UBFD1: variants seen among roughly 807,000 people sequenced by gnomAD.
The protein encoded by UBFD1 is ubiquitin domain-containing protein UBFD1.
In UBFD1, 12 loss-of-function variants were observed where a neutral mutation model predicts 35.1. That is an observed-to-expected ratio of 0.34 (90% CI 0.22 to 0.55). The LOEUF is 0.55. UBFD1 is among the 20% of genes least tolerant of loss of function. UBFD1 has a pLI of 0.89. For missense variants in UBFD1, 337 were observed against 410.8 expected, an observed-to-expected ratio of 0.82 and a Z score of 1.55; for synonymous variants, 178 against 167.6, an observed-to-expected ratio of 1.06 and a Z score of -0.48.
chr16:23,572,924 G>A lies in UBFD1; in HGVS notation c.*2334G>A, dbSNP rs977968650. 1.3e-5 allele frequency: 2 copies of A among 152,146 alleles called. No individual in the cohort carries two copies. Among genetic ancestry groups the A allele is most frequent in the South Asian group, 2.1e-4 (1 of 4,826 alleles). 9.4% of individuals were successfully genotyped at this position (152,146 alleles called of 1,614,324 possible). On this transcript the variant is annotated 3_prime_UTR_variant, in exon 7 of 7. Transcript: ENST00000395878. ...GTCTGCATGGAAGACCTTGCTGGACGCTCTCGGGAGAGCAGACATAGCACC... is the reference window on the plus strand; with the variant it reads ...GTCTGCATGGAAGACCTTGCTGGACACTCTCGGGAGAGCAGACATAGCACC...
chr16:23,569,874 G>A (rs1489593162), intron 6 of UBFD1, among the ~76,000 whole-genome samples: 1 of 152,124 alleles, frequency 6.6e-6, no homozygotes, highest in Non-Finnish European at 1.5e-5. Flanking sequence ...CTTTTCTTTG[G>A]TTCAACATAA....
intron 3 of UBFD1, 82 bp from the exon 4 acceptor site, chr16:23,562,124 T>C (rs2142213861): frequency 7.5e-7 from 1 of 1,331,142 alleles, no homozygotes; most frequent in South Asian, 1.3e-5. Context: ...ACTAAGGCTT[T>C]CTTCATCCTC....
intron 3 of UBFD1, 78 bp from the exon 4 acceptor site, chr16:23,562,128 C>G (rs1416752742): frequency 2.2e-6 from 3 of 1,356,150 alleles, no homozygotes; most frequent in Non-Finnish European, 3.1e-6. Context: ...AGGCTTTCTT[C>G]ATCCTCTCTT....
rs2234429 is a variant in UBFD1 at position 23,562,741 on chromosome 16, C to T, written c.736+11C>T. 9.4e-4 allele frequency: 1,509 copies of T among 1,612,142 alleles called. 15 individuals carry two copies. In the African/African-American group the frequency reaches 0.018, roughly 19 times the overall value. On this transcript the variant is annotated intron_variant, in intron 5 of 6. Coordinates refer to ENST00000395878, the MANE Select transcript of UBFD1 (RefSeq NM_019116.3). ...GGATTGGCACTAAAGGTATGTTCTT[C>T]CTCGCCTCCTTGCTGGCCCACTGCC...
rs1006763638 is a variant in UBFD1 at position 23,558,339 on chromosome 16, C to T, written c.355+60C>T. 6 of 1,566,500 alleles carry T rather than the reference C, an allele frequency of 3.8e-6. No homozygotes were observed. In the African/African-American group the frequency reaches 7.0e-5, roughly 18 times the overall value. Reference sequence around the variant, plus strand: ...ACCCCGCCTCCTGATGGCCCTTGCACCCTACTAGGCACCTGGTGGCTTTCC... The same window carrying T: ...ACCCCGCCTCCTGATGGCCCTTGCATCCTACTAGGCACCTGGTGGCTTTCC... On this transcript the variant is annotated intron_variant, in intron 2 of 6. Transcript: ENST00000395878.
At chr16:23,568,604 A>T (rs1490840160) in intron 6 of UBFD1, 1 of 151,306 alleles carries the variant, frequency 6.6e-6, no homozygotes, top group Non-Finnish European at 1.5e-5. Flanking sequence ...GCGGATCATG[A>T]GGTCAGGAGT....
chr16:23,568,216 G>A (rs1966037259), intron 6 of UBFD1, among the ~76,000 whole-genome samples: 1 of 143,342 alleles, frequency 7.0e-6, no homozygotes, highest in Non-Finnish European at 1.5e-5. Flanking sequence ...CTGAAGTGCA[G>A]TGGCGCTATC....
chr16:23,562,143 G>A, intron 3 of UBFD1, 63 bp from the exon 4 acceptor site: 1 of 1,471,100 alleles, frequency 6.8e-7, no homozygotes, highest in Non-Finnish European at 9.4e-7. Flanking sequence ...TCTCTTTCAA[G>A]GGAATAGTAA....
chr16:23,566,101 T>C (rs1966007077), intron 5 of UBFD1: 1 of 152,210 alleles, frequency 6.6e-6, no homozygotes, highest in South Asian at 2.1e-4. Flanking sequence ...CACAAAAGGT[T>C]ATAAATGTTT....
rs563744743 is a variant in UBFD1, at chr16:23,557,878, C to G, written c.26-72C>G. On this transcript the variant is annotated intron_variant, in intron 1 of 6. Transcript: ENST00000395878. Reference sequence around the variant, plus strand: ...GAACCGCGGCTCGGGAACGGAGGTCCGGCGGCGCCCGGACAGCGTCCGTTC... The same window carrying G: ...GAACCGCGGCTCGGGAACGGAGGTCGGGCGGCGCCCGGACAGCGTCCGTTC... 31 of 1,268,084 alleles carry G rather than the reference C, an allele frequency of 2.4e-5. 1 individual carries two copies. In the Admixed American group the frequency reaches 3.8e-4, roughly 16 times the overall value. The allele number at this position is 1,268,084 out of a possible 1,614,324, so 78.6% of individuals were successfully genotyped here.
At position 23,557,878 on chromosome 16, in the gene UBFD1, C is replaced by T. The variant is rs563744743; in HGVS notation, c.26-72C>T. On this transcript the variant is annotated intron_variant, in intron 1 of 6. Coordinates refer to ENST00000395878, the MANE Select transcript of UBFD1 (RefSeq NM_019116.3). ...GAACCGCGGCTCGGGAACGGAGGTCCGGCGGCGCCCGGACAGCGTCCGTTC... is the reference window on the plus strand; with the variant it reads ...GAACCGCGGCTCGGGAACGGAGGTCTGGCGGCGCCCGGACAGCGTCCGTTC... 64 of 1,268,192 alleles carry T rather than the reference C, an allele frequency of 5.0e-5. No individual in the cohort carries two copies. The African/African-American group carries it at 8.7e-4, about 17-fold the overall frequency. The allele number at this position is 1,268,192 out of a possible 1,614,324, so 78.6% of individuals were successfully genotyped here.
At chr16:23,558,800 A>G (rs1213758703) in intron 2 of UBFD1, among the ~76,000 whole-genome samples, 1 of 122,826 alleles carries the variant, frequency 8.1e-6, no homozygotes. Context: ...TTTTTTTTTG[A>G]GACGGAGTCT....
At chr16:23,569,616 A>G (rs1377981129) in intron 6 of UBFD1, 2 of 152,174 alleles carry the variant, frequency 1.3e-5, no homozygotes, top group Non-Finnish European at 2.9e-5. Context: ...CCATATATCC[A>G]TCACTGAGAA....
intron 5 of UBFD1, 82 bp downstream of exon 5, chr16:23,562,812 C>T: frequency 8.2e-7 from 1 of 1,215,750 alleles, no homozygotes. Context: ...TGCGATTTCA[C>T]CCCTCCTTCT....
At chr16:23,562,840 T>C (rs570948315) in intron 5 of UBFD1, 110 bp downstream of exon 5, 195 of 921,746 alleles carry the variant, frequency 2.1e-4, no homozygotes, top group Non-Finnish European at 3.0e-4. Flanking sequence ...CTCTCTCCAC[T>C]GTGCTTTGCT....
intron 3 of UBFD1, chr16:23,561,954 A>G (rs1965941232): frequency 7.7e-6 from 3 of 389,672 alleles, no homozygotes; most frequent in Non-Finnish European, 1.4e-5. Context: ...TTCCTCAGTC[A>G]TAGTAGCTGC....
intron 5 of UBFD1, chr16:23,565,437 G>A (rs1381233529): frequency 1.3e-5 from 2 of 152,222 alleles, no homozygotes; most frequent in African/African-American, 4.8e-5. Flanking sequence ...TCAGGAGTGT[G>A]GGTCCAGAAT....
chr16:23,562,384 C>CA, intron 4 of UBFD1, 113 bp downstream of exon 4: 3 of 994,032 alleles, frequency 3.0e-6, no homozygotes, highest in Middle Eastern at 2.3e-4. Flanking sequence ...TTTTTTGAGA[C>CA]AGAGTCTTGC....
intron 6 of UBFD1, chr16:23,569,802 ATGGAG>A: frequency 6.6e-6 from 1 of 152,254 alleles, no homozygotes; most frequent in East Asian, 1.9e-4. Context: ...CACGAACAAG[ATGGAG>A]TGTTGTTTTG....
Sources: allele counts gnomAD v4.1 joint callset (sites outside exome capture counted in the v4.1 genomes callset), GRCh38; gene constraint gnomAD v4.1.1; transcripts MANE v1.5; gene names NCBI Gene and HGNC (gene_info 2026-07-23, HGNC 2026-07-21).